The following SUPT3H variants were observed in gnomAD, a reference collection of about 807,000 sequenced individuals.
SUPT3H encodes the protein transcription initiation protein SPT3 homolog.
SUPT3H carries 44 observed loss-of-function variants against 44.3 expected under a neutral mutation model. That is an observed-to-expected ratio of 0.99 (90% CI 0.78 to 1.28). SUPT3H has a LOEUF of 1.28. SUPT3H is among the 50% of genes most tolerant of loss of function. The pLI, the probability that SUPT3H is intolerant of heterozygous loss-of-function variation, is 0.00. For synonymous variants in SUPT3H, 124 were observed against 125.6 expected (o/e 0.99, Z 0.09); for missense variants, 380 against 387.1 (o/e 0.98, Z 0.15).
At chr6:44,905,191 G>GCTT (rs953780718) in intron 10 of SUPT3H, among the ~76,000 whole-genome samples, 8 of 152,050 alleles carry the variant, frequency 5.3e-5, no homozygotes, top group African/African-American at 1.9e-4. Context: ...AAACTAAAGA[G>GCTT]CTTCTGCACA....
At chr6:45,164,562 G>A (rs1270125771) in intron 2 of SUPT3H, among the ~76,000 whole-genome samples, 2 of 152,066 alleles carry the variant, frequency 1.3e-5, no homozygotes, top group Non-Finnish European at 2.9e-5. Context: ...CCTCACTGAT[G>A]ACTCACCAGT....
chr6:45,070,737 A>AAT (rs1410100957), intron 3 of SUPT3H, among the ~76,000 whole-genome samples: 38 of 113,116 alleles, frequency 3.4e-4, no homozygotes, highest in Non-Finnish European at 5.8e-4. Flanking sequence ...CTCTGTCTCA[A>AAT]ACAAAAAAAA....
At chr6:44,861,540 T>A (rs1267784349) in intron 10 of SUPT3H, among the ~76,000 whole-genome samples, 1 of 151,966 alleles carries the variant, frequency 6.6e-6, no homozygotes, top group African/African-American at 2.4e-5. Context: ...GTGTCTGCCA[T>A]CACGCCCAGC....
chr6:44,982,263 G>C (rs924328409), intron 6 of SUPT3H, among the ~76,000 whole-genome samples: 2 of 151,826 alleles, frequency 1.3e-5, no homozygotes, highest in African/African-American at 4.8e-5. Flanking sequence ...TCGCTCTGTC[G>C]CCCAGGCTGG....
chr6:44,882,238 C>T (rs1476780849), intron 10 of SUPT3H, among the ~76,000 whole-genome samples: 1 of 152,192 alleles, frequency 6.6e-6, no homozygotes, highest in Non-Finnish European at 1.5e-5. Context: ...AAACTACCAT[C>T]AGAGAAAACT....
intron 2 of SUPT3H, among the ~76,000 whole-genome samples, chr6:45,240,741 A>T (rs992964519): frequency 6.6e-6 from 1 of 152,166 alleles, no homozygotes; most frequent in African/African-American, 2.4e-5. Context: ...TAGAAACAGT[A>T]AAAAATACGG....
chr6:45,210,627 C>CGTT (rs1464570841), intron 2 of SUPT3H, among the ~76,000 whole-genome samples: 2 of 152,138 alleles, frequency 1.3e-5, no homozygotes, highest in Non-Finnish European at 2.9e-5. Context: ...CTCTGACCAC[C>CGTT]TTGAGCACAT....
intron 2 of SUPT3H, among the ~76,000 whole-genome samples, chr6:45,107,674 T>C (rs1799470209): frequency 1.3e-5 from 2 of 152,180 alleles, no homozygotes; most frequent in South Asian, 4.1e-4. Context: ...AATTCATTTG[T>C]TGAAGAACAT....
intron 10 of SUPT3H, among the ~76,000 whole-genome samples, chr6:44,857,967 G>A (rs762915859): frequency 6.6e-6 from 1 of 152,158 alleles, no homozygotes; most frequent in Non-Finnish European, 1.5e-5. Flanking sequence ...ATGCTGATGA[G>A]TCTGTTCTTC....
At chr6:44,910,532 A>G (rs1412649712) in intron 10 of SUPT3H, among the ~76,000 whole-genome samples, 1 of 152,212 alleles carries the variant, frequency 6.6e-6, no homozygotes, top group Non-Finnish European at 1.5e-5. Context: ...ATGATAAGAC[A>G]GTCACTGAAA....
intron 10 of SUPT3H, among the ~76,000 whole-genome samples, chr6:44,847,168 T>C (rs572359522): frequency 6.6e-6 from 1 of 152,232 alleles, no homozygotes; most frequent in South Asian, 2.1e-4. Context: ...TTTTTTTTCT[T>C]GTATTTTAGT....
intron 3 of SUPT3H, among the ~76,000 whole-genome samples, chr6:45,047,115 G>A (rs908421471): frequency 6.6e-6 from 1 of 152,112 alleles, no homozygotes; most frequent in African/African-American, 2.4e-5. Context: ...AATTGTATAG[G>A]ATTTTCTAGC....
At chr6:45,208,188 T>G (rs1243197238) in intron 2 of SUPT3H, among the ~76,000 whole-genome samples, 1 of 152,186 alleles carries the variant, frequency 6.6e-6, no homozygotes, top group Admixed American at 6.5e-5. Flanking sequence ...AGTTAGAACA[T>G]TCCCATAAGC....
At chr6:44,868,745 C>T (rs1162401060) in intron 10 of SUPT3H, among the ~76,000 whole-genome samples, 1 of 152,178 alleles carries the variant, frequency 6.6e-6, no homozygotes, top group Non-Finnish European at 1.5e-5. Flanking sequence ...GCAACTACTT[C>T]CTGTGTTTCC....
chr6:45,368,311 G>T (rs1029271525), intron 1 of SUPT3H, among the ~76,000 whole-genome samples: 1 of 152,096 alleles, frequency 6.6e-6, no homozygotes, highest in African/African-American at 2.4e-5. Flanking sequence ...TGATCATTAA[G>T]CTAATAGCTA....
At chr6:45,175,541 C>G (rs1177372514) in intron 2 of SUPT3H, among the ~76,000 whole-genome samples, 1 of 152,144 alleles carries the variant, frequency 6.6e-6, no homozygotes, top group Non-Finnish European at 1.5e-5. Flanking sequence ...GGTGTGGACA[C>G]AAAGCCTAGC....
At position 45,077,976 on chromosome 6, in the gene SUPT3H, G is replaced by C. The variant is rs769540896; in HGVS notation, c.186+27946C>G. ...ATCAGATGGATAGAAGGACTGGTTG[G>C]GGGGGTGGGGGAACACACAATCTAA... On this transcript the variant is annotated intron_variant, in intron 3 of 10. Transcript: ENST00000371459. 9.2e-5 allele frequency among the ~76,000 whole-genome samples: 14 copies of C among 152,176 alleles called. No homozygotes were observed. The East Asian group carries it at 1.2e-3, about 13-fold the overall frequency.
intron 4 of SUPT3H, among the ~76,000 whole-genome samples, chr6:45,018,621 T>C (rs1784658071): frequency 6.6e-6 from 1 of 151,916 alleles, no homozygotes; most frequent in African/African-American, 2.4e-5. Context: ...GTTTTTGTCT[T>C]TGGCTCTGTT....
intron 5 of SUPT3H, 62 bp downstream of exon 5, chr6:45,014,739 G>A (rs564365856): frequency 4.2e-6 from 5 of 1,181,686 alleles, no homozygotes; most frequent in Middle Eastern, 2.0e-4. Context: ...TTGCATAAAT[G>A]TGTTATCCAG....
Sources: allele counts gnomAD v4.1 joint callset (sites outside exome capture counted in the v4.1 genomes callset), GRCh38; gene constraint gnomAD v4.1.1; transcripts MANE v1.5; gene names NCBI Gene and HGNC (gene_info 2026-07-23, HGNC 2026-07-21).